The following MYH13 variants were observed in gnomAD, a reference collection of about 807,000 sequenced individuals.
MYH13 encodes myosin-13.
MYH13 carries 177 observed loss-of-function variants against 232.1 expected under a neutral mutation model. The observed-to-expected ratio is 0.76, with a 90% CI of 0.67 to 0.86. The LOEUF (loss-of-function observed/expected upper bound fraction) is 0.86, where lower values mean the gene tolerates loss of function less well. MYH13 is among the 40% of genes least tolerant of loss of function. The pLI, the probability that MYH13 is intolerant of heterozygous loss-of-function variation, is 0.00. For synonymous variants in MYH13, 884 were observed against 923.5 expected (o/e 0.96, Z 0.78); for missense variants, 2,246 against 2,405.9 (o/e 0.93, Z 1.39).
chr17:10,339,486 T>C (rs894928916), intron 18 of MYH13, among the ~76,000 whole-genome samples: 1 of 152,236 alleles, frequency 6.6e-6, no homozygotes, highest in East Asian at 1.9e-4. Flanking sequence ...AACAAAGTGA[T>C]TGACATGCAG....
intron 32 of MYH13, 65 bp from the exon 33 acceptor site, chr17:10,311,292 C>T (rs1243107455): frequency 1.3e-6 from 2 of 1,588,154 alleles, no homozygotes; most frequent in East Asian, 4.5e-5. Context: ...AGGCATTTGC[C>T]AGGCAATTCA....
At chr17:10,369,325 T>A (rs769198830) in intron 2 of MYH13, among the ~76,000 whole-genome samples, 1 of 152,244 alleles carries the variant, frequency 6.6e-6, no homozygotes, top group Non-Finnish European at 1.5e-5. Context: ...ATGTATTCTA[T>A]GATATAAATC....
Position 10,343,887 on chromosome 17 carries a change from G to A in MYH13, c.1807C>T (p.Leu603=). ...AGWLDKNKDP[L]NETVVGLYQK... is the part of the protein sequence containing the mutation. ...TACAGCCCCACCACAGTCTCGTTCA[G>A]GGGGTCCTTGTTTTTGTCCAGCCAG... The change falls in exon 16 of 41, where the codon CTG becomes TTG. Residue 603 remains leucine, a synonymous_variant. Transcript: ENST00000252172. 1 of 1,614,206 alleles carries A rather than the reference G, an allele frequency of 6.2e-7. No homozygotes were observed. The highest frequency in any genetic ancestry group is 8.5e-7 in the Non-Finnish European group (1 of 1,180,020).
In MYH13 at chr17:10,362,044, G is replaced by T. The variant is rs2071797867; in HGVS notation, c.505+74C>A. 3 of 1,611,250 alleles carry T rather than the reference G, an allele frequency of 1.9e-6. No homozygotes were observed. In the Admixed American group the frequency reaches 5.0e-5, roughly 27 times the overall value. ...CTTTGATTATTGCACCATTCAGATG[G>T]CCAACGCCCATCAAAAGCTTGAAAA... On this transcript the variant is annotated intron_variant, in intron 5 of 40. Coordinates refer to ENST00000252172, the MANE Select transcript of MYH13 (RefSeq NM_003802.3).
chr17:10,362,642 G>T (rs1278574943), intron 3 of MYH13, 139 bp from the exon 4 acceptor site: 2 of 1,190,690 alleles, frequency 1.7e-6, no homozygotes, highest in African/African-American at 3.0e-5. Flanking sequence ...TCATTTCCAT[G>T]CCCCAACATG....
chr17:10,344,389 A>G (rs1032688763), intron 15 of MYH13, among the ~76,000 whole-genome samples: 3 of 152,206 alleles, frequency 2.0e-5, no homozygotes, highest in Non-Finnish European at 4.4e-5. Context: ...AAAAAAGTAA[A>G]GTTTCATATA....
intron 12 of MYH13, among the ~76,000 whole-genome samples, chr17:10,349,513 C>A (rs561558206): frequency 6.6e-6 from 1 of 152,014 alleles, no homozygotes; most frequent in East Asian, 1.9e-4. Context: ...TCCCTGATTG[C>A]CCCAGTCAGA....
At chr17:10,369,161 T>TA (rs148598698) in intron 2 of MYH13, among the ~76,000 whole-genome samples, 24,733 of 152,118 alleles carry the variant, frequency 0.16, 2,466 homozygotes, top group Non-Finnish European at 0.23. Flanking sequence ...CTTCCACAAA[T>TA]AAAAAAATGC....
chr17:10,365,493 CA>C (rs934413933), intron 2 of MYH13, among the ~76,000 whole-genome samples: 3 of 152,122 alleles, frequency 2.0e-5, no homozygotes, highest in Non-Finnish European at 2.9e-5. Flanking sequence ...AAGTGGGGCC[CA>C]AAAATGGGCA....
chr17:10,347,878 C>T (rs974813518), intron 12 of MYH13, among the ~76,000 whole-genome samples: 21 of 151,844 alleles, frequency 1.4e-4, no homozygotes, highest in African/African-American at 4.1e-4. Flanking sequence ...CCACCAGGCC[C>T]GGCTAATTTT....
chr17:10,316,050 G>T, intron 27 of MYH13, 25 bp from the exon 28 acceptor site: 1 of 1,612,986 alleles, frequency 6.2e-7, no homozygotes, highest in South Asian at 1.1e-5. Context: ...AAGTCAACAC[G>T]AATGGGAAGA....
intron 2 of MYH13, among the ~76,000 whole-genome samples, chr17:10,364,911 T>C (rs1399138118): frequency 2.0e-5 from 3 of 152,082 alleles, no homozygotes; most frequent in Non-Finnish European, 4.4e-5. Flanking sequence ...GTTTTGCTCC[T>C]GTCACCCAGG....
intron 2 of MYH13, among the ~76,000 whole-genome samples, chr17:10,367,025 A>T (rs993259879): frequency 1.2e-4 from 19 of 152,356 alleles, no homozygotes; most frequent in African/African-American, 4.6e-4. Flanking sequence ...GCCTGCAGCC[A>T]TCATGCTGGT....
rs897069741 is a variant in MYH13, at chr17:10,306,022, G to A, written c.5466+437C>T. Among the ~76,000 whole-genome samples the A allele has an allele frequency of 1.3e-5, 2 of 152,164 alleles. No individual in the cohort carries two copies. Among genetic ancestry groups the A allele is most frequent in the African/African-American group, 4.8e-5 (2 of 41,432 alleles). ...AAACGGAAACTGCAGATTTTATGTAGGATGGGCTGTGTTGATCAAAGTGAA... is the reference window on the plus strand; with the variant it reads ...AAACGGAAACTGCAGATTTTATGTAAGATGGGCTGTGTTGATCAAAGTGAA... On this transcript the variant is annotated intron_variant, in intron 37 of 40. Transcript: ENST00000252172. This position sits in a 1 kb window ranked among gnomAD's most constrained non-coding sequence, Gnocchi z 4.3.
At chr17:10,353,070 A>AT (rs2071722647) in intron 11 of MYH13, among the ~76,000 whole-genome samples, 1 of 149,222 alleles carries the variant, frequency 6.7e-6, no homozygotes, top group East Asian at 2.0e-4. Flanking sequence ...CATTGTGCAT[A>AT]TAACACAAAT....
intron 2 of MYH13, among the ~76,000 whole-genome samples, chr17:10,365,601 G>A (rs1170277494): frequency 6.6e-6 from 1 of 152,202 alleles, no homozygotes; most frequent in Non-Finnish European, 1.5e-5. Context: ...GGTGGTCCTT[G>A]AAATGCAGCA....
intron 35 of MYH13, 21 bp from the exon 36 acceptor site, chr17:10,307,085 CA>C: frequency 3.7e-6 from 6 of 1,612,980 alleles, no homozygotes; most frequent in Non-Finnish European, 5.1e-6. Context: ...AATTAGATAT[CA>C]GGGGTGTGGG....
At position 10,345,548 on chromosome 17, in the gene MYH13, G is replaced by A; in HGVS notation, c.1332C>T (p.Arg444=). 1.9e-6 allele frequency: 3 copies of A among 1,614,226 alleles called. No individual in the cohort carries two copies. Among genetic ancestry groups the A allele is most frequent in the Non-Finnish European group, 2.5e-6 (3 of 1,180,052 alleles). The change falls in exon 14 of 41, where the codon CGC becomes CGT. Residue 444 remains arginine (R), a synonymous_variant. Transcript: ENST00000252172. The part of the protein sequence containing the change: ...YEKMFLWMVT[R]INQQLDTKQP... ...GCTTGGTGTCCAGCTGCTGGTTGAT[G>A]CGGGTGACCATCCACAGGAACATCT...
intron 40 of MYH13, among the ~76,000 whole-genome samples, chr17:10,301,256 CTT>C (rs1276028838): frequency 6.6e-6 from 1 of 152,190 alleles, no homozygotes; most frequent in African/African-American, 2.4e-5. Flanking sequence ...CCACAGGAGT[CTT>C]TGCTCAAACA....
Sources: gnomAD v4.1 joint callset for allele counts (sites outside exome capture counted in the v4.1 genomes callset) on GRCh38, gnomAD v4.1.1 for gene constraint, Gnocchi (gnomAD v3.1) non-coding constraint, MANE v1.5 for transcripts, NCBI Gene and HGNC (gene_info 2026-07-23, HGNC 2026-07-21) for gene names.